Variants in RORB observed in about 807,000 individuals in gnomAD.
RORB encodes RAR related orphan receptor B.
A neutral mutation model predicts 59.1 loss-of-function variants in RORB; 6 were observed. That is an observed-to-expected ratio of 0.10 (90% CI 0.06 to 0.20). The LOEUF (loss-of-function observed/expected upper bound fraction) is 0.20, where lower values mean the gene tolerates loss of function less well. Among genes scored for constraint, RORB ranks in the 10% least tolerant of loss-of-function variants. The pLI, the probability that RORB is intolerant of heterozygous loss-of-function variation, is 1.00. For synonymous variants in RORB, 215 were observed against 204.5 expected, an observed-to-expected ratio of 1.05 and a Z score of -0.44; for missense variants, 320 against 560.5, an observed-to-expected ratio of 0.57 and a Z score of 4.33.
chr9:74,632,741 A>C (rs1461623575), intron 2 of RORB, among the ~76,000 whole-genome samples: 1 of 152,146 alleles, frequency 6.6e-6, no homozygotes, highest in African/African-American at 2.4e-5. Context: ...CAAAGATAAA[A>C]ACCACACAAT....
chr9:74,669,643 G>C (rs11144053), intron 8 of RORB, among the ~76,000 whole-genome samples: 27,034 of 151,986 alleles, frequency 0.18, 2,972 homozygotes, highest in Non-Finnish European at 0.24. Context: ...TGGGTTAAGG[G>C]ATAACAGCAT....
rs186162591 is a variant in RORB at position 74,688,208 on chromosome 9, G to T, written c.*2590G>T. 2.6e-5 allele frequency: 4 copies of T among 152,198 alleles called. No homozygotes were observed. 9.4% of individuals were successfully genotyped at this position (152,198 alleles called of 1,614,324 possible). ...TTGAAGCTGGGAGGAAGGAAACAGA[G>T]CTAGCATCTGAACCAGAGCAAAACA... On this transcript the variant is annotated 3_prime_UTR_variant, in exon 10 of 10. Transcript: ENST00000376896.
intron 1 of RORB, among the ~76,000 whole-genome samples, chr9:74,528,278 A>G (rs964958199): frequency 2.6e-5 from 4 of 152,054 alleles, no homozygotes; most frequent in African/African-American, 9.7e-5. Flanking sequence ...AGTTATTACT[A>G]GAAGTAACTG....
chr9:74,520,685 G>A (rs1826073732), intron 1 of RORB, among the ~76,000 whole-genome samples: 1 of 151,666 alleles, frequency 6.6e-6, no homozygotes, highest in Non-Finnish European at 1.5e-5. Flanking sequence ...TTTAAAAGTT[G>A]GCTTCAAACA....
chr9:74,623,250 T>G (rs899579291), intron 1 of RORB, among the ~76,000 whole-genome samples: 2 of 152,158 alleles, frequency 1.3e-5, no homozygotes, highest in African/African-American at 4.8e-5. Flanking sequence ...AGAGTGAGTG[T>G]ACAGAAGAGG....
At chr9:74,557,292 A>G (rs871178) in intron 1 of RORB, among the ~76,000 whole-genome samples, 2,188 of 152,282 alleles carry the variant, frequency 0.014, 42 homozygotes, top group African/African-American at 0.045. Flanking sequence ...TACTTGAGAC[A>G]GAGCTACTCC....
chr9:74,675,729 C>T (rs927198684), intron 9 of RORB, among the ~76,000 whole-genome samples: 3 of 152,162 alleles, frequency 2.0e-5, no homozygotes, highest in Non-Finnish European at 4.4e-5. Flanking sequence ...CAGAGGTCAG[C>T]GTGCCCGTCA....
At chr9:74,637,885 T>C (rs1451877545) in intron 3 of RORB, among the ~76,000 whole-genome samples, 2 of 152,216 alleles carry the variant, frequency 1.3e-5, no homozygotes, top group African/African-American at 2.4e-5. Flanking sequence ...ATTAGGCACA[T>C]GCAGCTTGCA....
intron 1 of RORB, among the ~76,000 whole-genome samples, chr9:74,520,842 CTATA>C (rs2118068320): frequency 6.6e-6 from 1 of 151,770 alleles, no homozygotes; most frequent in South Asian, 2.1e-4. Flanking sequence ...CTTACATATT[CTATA>C]GTCTATTTCC....
intron 4 of RORB, among the ~76,000 whole-genome samples, chr9:74,647,410 C>T (rs1016343192): frequency 2.6e-5 from 4 of 152,166 alleles, no homozygotes; most frequent in Admixed American, 2.6e-4. Flanking sequence ...ACAATTGAAA[C>T]AGCCAAACAA....
intron 1 of RORB, among the ~76,000 whole-genome samples, chr9:74,540,990 A>G (rs945518769): frequency 6.6e-6 from 1 of 152,132 alleles, no homozygotes; most frequent in Non-Finnish European, 1.5e-5. Context: ...TTTTAAAAAT[A>G]CATTGTTGAG....
At chr9:74,555,111 C>G (rs868483043) in intron 1 of RORB, among the ~76,000 whole-genome samples, 13 of 152,328 alleles carry the variant, frequency 8.5e-5, no homozygotes, top group Middle Eastern at 3.4e-3. Flanking sequence ...TCACAGCCCC[C>G]TCTCAATTCA....
At chr9:74,518,537 C>T (rs1826041254) in intron 1 of RORB, among the ~76,000 whole-genome samples, 1 of 151,940 alleles carries the variant, frequency 6.6e-6, no homozygotes, top group South Asian at 2.1e-4. Flanking sequence ...TGTTGTTACC[C>T]TTAACTATGC....
At chr9:74,512,312 A>G (rs1825950049) in intron 1 of RORB, among the ~76,000 whole-genome samples, 1 of 152,232 alleles carries the variant, frequency 6.6e-6, no homozygotes, top group African/African-American at 2.4e-5. Flanking sequence ...TGAATGATGA[A>G]TTGATTCCCA....
intron 5 of RORB, among the ~76,000 whole-genome samples, chr9:74,661,505 T>G (rs1225031908): frequency 1.3e-5 from 2 of 152,110 alleles, no homozygotes; most frequent in Non-Finnish European, 2.9e-5. Flanking sequence ...AAATTAGAAT[T>G]AACACACATA....
intron 1 of RORB, among the ~76,000 whole-genome samples, chr9:74,575,845 A>G (rs1417367174): frequency 6.6e-6 from 1 of 152,122 alleles, no homozygotes; most frequent in Non-Finnish European, 1.5e-5. Flanking sequence ...ATCAGACACA[A>G]TATTATGAAG....
chr9:74,519,107 A>G (rs1453468191), intron 1 of RORB, among the ~76,000 whole-genome samples: 1 of 151,946 alleles, frequency 6.6e-6, no homozygotes, highest in East Asian at 1.9e-4. Flanking sequence ...ATCCTTTCCT[A>G]AGAACCTATT....
At chr9:74,636,054 T>G (rs1267040319) in intron 3 of RORB, among the ~76,000 whole-genome samples, 7 of 128,384 alleles carry the variant, frequency 5.5e-5, no homozygotes, top group Non-Finnish European at 1.3e-4. Flanking sequence ...TTCTATTAAC[T>G]GATTTTTTTT....
intron 1 of RORB, among the ~76,000 whole-genome samples, chr9:74,574,154 A>G: frequency 6.6e-6 from 1 of 152,022 alleles, no homozygotes; most frequent in East Asian, 1.9e-4. Context: ...TCTCATTATC[A>G]TACCCACTCC....
Sources: allele counts gnomAD v4.1 joint callset (sites outside exome capture counted in the v4.1 genomes callset), GRCh38; gene constraint gnomAD v4.1.1; transcripts MANE v1.5; gene names NCBI Gene and HGNC (gene_info 2026-07-23, HGNC 2026-07-21).